Variants in GPC5 observed in about 807,000 individuals in gnomAD.
The protein encoded by GPC5 is glypican 5, also known as glypican-5.
A neutral mutation model predicts 53.9 loss-of-function variants in GPC5; 47 were observed. The observed-to-expected ratio is 0.87, with a 90% confidence interval of 0.69 to 1.11. The LOEUF (loss-of-function observed/expected upper bound fraction) is 1.11, where lower values mean the gene tolerates loss of function less well. Ranked by LOEUF, GPC5 falls within the 50% of genes most tolerant of loss-of-function variation. The pLI, the probability that GPC5 is intolerant of heterozygous loss-of-function variation, is 0.00. For missense variants in GPC5, 748 were observed against 713.1 expected (o/e 1.05, Z -0.56); for synonymous variants, 286 against 263.3 (o/e 1.09, Z -0.84).
At chr13:92,712,474 A>G (rs1007291618) in intron 7 of GPC5, among the ~76,000 whole-genome samples, 1 of 145,436 alleles carries the variant, frequency 6.9e-6, no homozygotes, top group Admixed American at 6.9e-5. Context: ...CAAAAAAAAA[A>G]CGGCAAAATC....
intron 7 of GPC5, among the ~76,000 whole-genome samples, chr13:92,835,374 TTAAA>T (rs1878188064): frequency 6.6e-6 from 1 of 152,020 alleles, no homozygotes; most frequent in Non-Finnish European, 1.5e-5. Context: ...TCTTCTATCC[TTAAA>T]TAATAATACA....
chr13:91,717,496 C>T (rs1184626566), intron 3 of GPC5, among the ~76,000 whole-genome samples: 3 of 152,110 alleles, frequency 2.0e-5, no homozygotes, highest in African/African-American at 7.2e-5. Context: ...GAAGGAAATT[C>T]CAGTGCAGGA....
intron 7 of GPC5, among the ~76,000 whole-genome samples, chr13:92,555,676 TA>T (rs1209678362): frequency 6.7e-6 from 1 of 149,940 alleles, no homozygotes; most frequent in African/African-American, 2.4e-5. Context: ...CATATAAGAA[TA>T]TGGGCTTTTA....
intron 2 of GPC5, among the ~76,000 whole-genome samples, chr13:91,677,967 A>G (rs1323521043): frequency 2.0e-5 from 3 of 152,234 alleles, no homozygotes; most frequent in Non-Finnish European, 2.9e-5. Context: ...GTAGTAAAAC[A>G]GACTGTTCTT....
At chr13:91,957,587 G>A (rs2040085575) in intron 6 of GPC5, among the ~76,000 whole-genome samples, 1 of 152,058 alleles carries the variant, frequency 6.6e-6, no homozygotes, top group African/African-American at 2.4e-5. Flanking sequence ...CACTTATAAA[G>A]GAACAATCAG....
At chr13:92,515,685 A>C (rs535740925) in intron 7 of GPC5, among the ~76,000 whole-genome samples, 1 of 152,318 alleles carries the variant, frequency 6.6e-6, no homozygotes, top group African/African-American at 2.4e-5. Flanking sequence ...AATAAGACAC[A>C]GTGTAATACT....
chr13:92,499,525 TATG>T (rs1221714343), intron 7 of GPC5, among the ~76,000 whole-genome samples: 1 of 152,146 alleles, frequency 6.6e-6, no homozygotes, highest in Non-Finnish European at 1.5e-5. Context: ...AGTAGTAGCA[TATG>T]AAGAGATTGA....
chr13:91,812,342 G>T (rs1330596234), intron 5 of GPC5, among the ~76,000 whole-genome samples: 2 of 152,022 alleles, frequency 1.3e-5, no homozygotes, highest in Non-Finnish European at 2.9e-5. Context: ...TGCTTTGAAA[G>T]TATGGAATAA....
intron 7 of GPC5, among the ~76,000 whole-genome samples, chr13:92,150,221 CTTTGATCTACACT>C (rs2041897632): frequency 6.6e-6 from 1 of 151,922 alleles, no homozygotes; most frequent in African/African-American, 2.4e-5. Context: ...TGATTGCACA[CTTTGATCTACACT>C]TTACAAGTAC....
intron 6 of GPC5, among the ~76,000 whole-genome samples, chr13:91,972,736 G>A (rs2040255921): frequency 6.6e-6 from 1 of 152,060 alleles, no homozygotes; most frequent in Admixed American, 6.5e-5. Context: ...AGCTTAGTTT[G>A]GCTGGATATG....
intron 7 of GPC5, among the ~76,000 whole-genome samples, chr13:92,546,224 T>C (rs1487619250): frequency 1.3e-5 from 2 of 152,152 alleles, no homozygotes; most frequent in African/African-American, 4.8e-5. Context: ...GGAAGTCAAA[T>C]TGTCCGCATT....
chr13:92,464,891 T>A (rs890745464), intron 7 of GPC5, among the ~76,000 whole-genome samples: 2 of 151,854 alleles, frequency 1.3e-5, no homozygotes, highest in Non-Finnish European at 2.9e-5. Flanking sequence ...GATTTACATA[T>A]GTTTATGTAA....
chr13:91,770,624 A>G (rs1011454176), intron 5 of GPC5, among the ~76,000 whole-genome samples: 1 of 152,064 alleles, frequency 6.6e-6, no homozygotes. Context: ...AAATGGGGTC[A>G]AGGACCAAAT....
chr13:92,502,750 T>C (rs983542338), intron 7 of GPC5, among the ~76,000 whole-genome samples: 12 of 152,002 alleles, frequency 7.9e-5, no homozygotes. Context: ...CAAGTAGAGT[T>C]AGAGATTTCA....
intron 6 of GPC5, among the ~76,000 whole-genome samples, chr13:92,001,770 C>T (rs1484306392): frequency 1.3e-5 from 2 of 152,168 alleles, no homozygotes; most frequent in East Asian, 3.9e-4. Context: ...AAAAAACAAT[C>T]ACTTTTTTCT....
intron 7 of GPC5, among the ~76,000 whole-genome samples, chr13:92,418,951 G>T (rs1177362848): frequency 6.6e-6 from 1 of 152,196 alleles, no homozygotes; most frequent in Non-Finnish European, 1.5e-5. Context: ...ACCACAGCCT[G>T]TCTGCAACCC....
At chr13:92,364,526 A>G (rs990835800) in intron 7 of GPC5, among the ~76,000 whole-genome samples, 6 of 151,524 alleles carry the variant, frequency 4.0e-5, no homozygotes, top group South Asian at 2.1e-4. Context: ...GTCAGGAGAT[A>G]GAGACCATCC....
At chr13:92,428,199 G>T (rs1002163565) in intron 7 of GPC5, among the ~76,000 whole-genome samples, 1 of 152,090 alleles carries the variant, frequency 6.6e-6, no homozygotes, top group African/African-American at 2.4e-5. Flanking sequence ...GTCTCTATCA[G>T]AATGGATGTG....
At position 91,399,075 on chromosome 13, in the gene GPC5, T is replaced by G. The variant is rs1876702337; in HGVS notation, c.29T>G (p.Phe10Cys). The change falls in exon 1 of 8, where the codon TTT (phenylalanine) becomes TGT (cysteine). Residue 10 changes from phenylalanine to cysteine, a missense_variant. Physicochemically the swap from Phe to Cys is radical, Grantham distance 205. Transcript: ENST00000377067. MDAQTWPVG[F>C]RCLLLLALVG... ...GACGCACAGACCTGGCCCGTGGGCT[T>G]TCGCTGCCTCCTCCTTCTGGCCCTG... 6.3e-7 allele frequency: 1 copy of G among 1,577,330 alleles called. No individual in the cohort carries two copies.
Sources: allele counts gnomAD v4.1 joint callset (sites outside exome capture counted in the v4.1 genomes callset), GRCh38; gene constraint gnomAD v4.1.1; transcripts MANE v1.5; gene names NCBI Gene and HGNC (gene_info 2026-07-23, HGNC 2026-07-21).